The following TBC1D25 variants were observed in gnomAD, a reference collection of about 807,000 sequenced individuals.
TBC1D25 encodes the protein TBC1 domain family member 25.
In TBC1D25, 13 loss-of-function variants were observed where a neutral mutation model predicts 38.8. The observed-to-expected ratio is 0.34, with a 90% CI of 0.22 to 0.53. TBC1D25 has a LOEUF of 0.53. Among genes scored for constraint, TBC1D25 ranks in the 20% least tolerant of loss-of-function variants. The probability of loss-of-function intolerance (pLI) is 0.94; values close to 1 mark genes in which losing one functional copy is unlikely to be tolerated. For missense variants in TBC1D25, 372 were observed against 600.0 expected, an observed-to-expected ratio of 0.62 and a Z score of 3.97; for synonymous variants, 225 against 255.6, an observed-to-expected ratio of 0.88 and a Z score of 1.14.
chrX:48,556,184 A>C (rs989266650), intron 3 of TBC1D25, among the ~76,000 whole-genome samples: 1 of 110,763 alleles, frequency 9.0e-6, no homozygotes, highest in Non-Finnish European at 1.9e-5. Context: ...AACTTTGGAC[A>C]ATACCCAGGC....
Position 48,539,857 on chromosome X carries a change from G to A in TBC1D25, c.60G>A (p.Val20=). 1 of 972,882 alleles carries A rather than the reference G, an allele frequency of 1.0e-6. No individual in the cohort carries two copies. Among genetic ancestry groups the A allele is most frequent in the Non-Finnish European group, 1.3e-6 (1 of 771,518 alleles). The allele number at this position is 972,882 out of a possible 1,213,427, so 80.2% of individuals were successfully genotyped here. A position where few individuals can be genotyped will look rare whatever the true frequency, so the allele number is the denominator to read the frequency against. The change falls in exon 1 of 6, where the codon GTG becomes GTA. Residue 20 remains valine (V), a synonymous_variant. Transcript: ENST00000376771. ...GCTCCGGAGCGCCCCCGCCCGGTGTGGGAGCTCAGGCGGCGGCGGCCGCTG... is the reference window on the plus strand; with the variant it reads ...GCTCCGGAGCGCCCCCGCCCGGTGTAGGAGCTCAGGCGGCGGCGGCCGCTG... ...LSGSGAPPPG[V]GAQAAAAAEE... is the part of the protein sequence containing the mutation.
intron 3 of TBC1D25, among the ~76,000 whole-genome samples, chrX:48,556,850 C>T (rs1037305629): frequency 1.0e-4 from 11 of 109,219 alleles, no homozygotes; most frequent in African/African-American, 3.0e-4. Flanking sequence ...AAGATCCTCT[C>T]GAACCTACTC....
rs782002768 is a variant in TBC1D25 at position 48,560,967 on chromosome X, G to A, written c.2059G>A (p.Ala687Thr). 19 of 1,188,644 alleles carry A rather than the reference G, an allele frequency of 1.6e-5. No individual in the cohort carries two copies. Among genetic ancestry groups the A allele is most frequent in the Admixed American group, 9.0e-5 (4 of 44,655 alleles). Residue 687 changes from alanine to threonine, a missense_variant, in exon 6 of 6, where the codon GCA becomes ACA. Coordinates refer to ENST00000376771, the MANE Select transcript of TBC1D25 (RefSeq NM_002536.4). ...AGAGGAGGGGGCTGAGGCCACAGCC[G>A]CATCTTGATCAGGCTTTCTCAAGCC... is the stretch of plus-strand genomic sequence containing the variant. ...DSEEGAEATA[A>T]S
intron 2 of TBC1D25, among the ~76,000 whole-genome samples, chrX:48,542,919 G>A (rs1008245979): frequency 2.7e-5 from 3 of 111,453 alleles, no homozygotes; most frequent in Non-Finnish European, 3.8e-5. Context: ...TCAACTTACA[G>A]TATTTCCAAC....
intron 5 of TBC1D25, 109 bp from the exon 6 acceptor site, chrX:48,559,505 C>T: frequency 9.6e-7 from 1 of 1,041,695 alleles, no homozygotes; most frequent in Non-Finnish European, 1.3e-6. Context: ...GCCTAGCAGA[C>T]TTAGAAGGAA....
chrX:48,541,064 A>G (rs1347033889), intron 1 of TBC1D25, among the ~76,000 whole-genome samples: 1 of 112,098 alleles, frequency 8.9e-6, no homozygotes, highest in African/African-American at 3.2e-5. Flanking sequence ...TAGATGTGTT[A>G]GATTGGTTAC....
Position 48,561,013 on chromosome X carries a change from C to G in TBC1D25, c.*38C>G. On this transcript the variant is annotated 3_prime_UTR_variant, in exon 6 of 6. Coordinates refer to ENST00000376771, the MANE Select transcript of TBC1D25 (RefSeq NM_002536.4). ...AAGCCCTCCATCGGCCCCACCAGATCTCCATTCTTTGCCATGAGGGCCAAC... is the reference window on the plus strand; with the variant it reads ...AAGCCCTCCATCGGCCCCACCAGATGTCCATTCTTTGCCATGAGGGCCAAC... 1 of 1,146,658 alleles carries G rather than the reference C, an allele frequency of 8.7e-7. No individual in the cohort carries two copies. 94.5% of individuals were successfully genotyped at this position (1,146,658 alleles called of 1,213,427 possible).
chrX:48,559,369 T>C, intron 5 of TBC1D25, 23 bp downstream of exon 5: 1 of 1,195,402 alleles, frequency 8.4e-7, no homozygotes, highest in Non-Finnish European at 1.1e-6. Flanking sequence ...AGTCATCTGT[T>C]GGGTCCATCA....
At chrX:48,544,798 G>C in intron 2 of TBC1D25, 71 bp from the exon 3 acceptor site, 2 of 1,163,888 alleles carry the variant, frequency 1.7e-6, no homozygotes, top group Non-Finnish European at 2.3e-6. Context: ...TACCCTCCTT[G>C]TTTTGGAAAC....
Position 48,559,603 on chromosome X carries a change from C to A in TBC1D25, c.706-11C>A. On this transcript the variant is annotated splice_polypyrimidine_tract_variant and intron_variant, in intron 5 of 5. Transcript: ENST00000376771. ...GAGAACTCCAGCCTCATCCCTTTCA[C>A]CCCTGGGCAGGTGGTGTGGCGGTAC... 1 of 1,204,170 alleles carries A rather than the reference C, an allele frequency of 8.3e-7. No homozygotes were observed. The highest frequency in any genetic ancestry group is 1.1e-6 in the Non-Finnish European group (1 of 891,148).
chrX:48,560,812 G>T lies in TBC1D25; in HGVS notation c.1904G>T (p.Arg635Leu). The change falls in exon 6 of 6, where the codon CGC becomes CTC. Residue 635 changes from arginine (R) to leucine (L), a missense_variant. Around this residue, in one of 2 missense-constraint regions of TBC1D25, gnomAD observed 312 missense variants for 549.3 expected, o/e 0.57. Coordinates refer to ENST00000376771, the MANE Select transcript of TBC1D25 (RefSeq NM_002536.4). The part of the protein sequence containing the change: ...ILLEHRDHIM[R>L]NGLDYNELAM... ...CTGGAGCACCGCGACCACATCATGC[G>T]CAATGGGCTGGATTATAATGAGCTG... The T allele has an allele frequency of 8.2e-7, 1 of 1,212,234 alleles. No homozygotes were observed. Among genetic ancestry groups the T allele is most frequent in the Non-Finnish European group, 1.1e-6 (1 of 895,596 alleles).
rs2062020935 is a variant in TBC1D25, at chrX:48,560,960, C to T, written c.2052C>T (p.Ala684=). ...EVWDSEEGAE[A]TAAS Reference sequence around the variant, plus strand: ...GGGACTCAGAGGAGGGGGCTGAGGCCACAGCCGCATCTTGATCAGGCTTTC... The same window carrying T: ...GGGACTCAGAGGAGGGGGCTGAGGCTACAGCCGCATCTTGATCAGGCTTTC... Residue 684 remains alanine, a synonymous_variant, in exon 6 of 6, where the codon GCC becomes GCT. Coordinates refer to ENST00000376771, the MANE Select transcript of TBC1D25 (RefSeq NM_002536.4). 8.4e-7 allele frequency: 1 copy of T among 1,194,665 alleles called. No homozygotes were observed. Among genetic ancestry groups the T allele is most frequent in the Admixed American group, 2.2e-5 (1 of 45,128 alleles).
rs1556985672 is a variant in TBC1D25 at position 48,560,061 on chromosome X, C to T, written c.1153C>T (p.Arg385Ter). Reference protein sequence around the residue: ...TKFAHLKLLLRHADPDFYQYL... With the variant: ...TKFAHLKLLL ...GTTTGCACACTTGAAGCTGTTGCTGCGACACGCTGACCCTGACTTTTATCA... is the reference window on the plus strand; with the variant it reads ...GTTTGCACACTTGAAGCTGTTGCTGTGACACGCTGACCCTGACTTTTATCA... The change falls in exon 6 of 6, where the codon CGA becomes TGA. Residue 385 changes from arginine (R) to a stop codon, truncating the protein, a stop_gained. Transcript: ENST00000376771. LOFTEE classifies it high-confidence loss of function. 8.3e-7 allele frequency: 1 copy of T among 1,209,534 alleles called. No homozygotes were observed. Among genetic ancestry groups the T allele is most frequent in the Non-Finnish European group, 1.1e-6 (1 of 894,318 alleles).
Position 48,539,873 on chromosome X carries a change from G to A in TBC1D25, c.76G>A (p.Ala26Thr). The change falls in exon 1 of 6, where the codon GCG becomes ACG. Residue 26 changes from alanine to threonine, a missense_variant. Physicochemically the swap from Ala to Thr is moderately conservative, Grantham distance 58 (BLOSUM62 0). Coordinates refer to ENST00000376771, the MANE Select transcript of TBC1D25 (RefSeq NM_002536.4). ...GCCCGGTGTGGGAGCTCAGGCGGCG[G>A]CGGCCGCTGAGGAGGAGGAGCGAGA... ...PPPGVGAQAA[A>T]AAEEEEREVV... The A allele has an allele frequency of 1.0e-6, 1 of 964,508 alleles. No homozygotes were observed. Among genetic ancestry groups the A allele is most frequent in the Non-Finnish European group, 1.3e-6 (1 of 766,776 alleles). 79.5% of individuals were successfully genotyped at this position (964,508 alleles called of 1,213,427 possible).
rs576124608 is a variant in TBC1D25 at position 48,542,496 on chromosome X, T to C, written c.233+1054T>C. On this transcript the variant is annotated intron_variant, in intron 2 of 5. Coordinates refer to ENST00000376771, the MANE Select transcript of TBC1D25 (RefSeq NM_002536.4). ...GATAGTTTTTTGATCTTCTCTTTTT[T>C]TTTTTTTTGGAGACAGAGTCTCACT... Among the ~76,000 whole-genome samples the C allele has an allele frequency of 7.6e-4, 79 of 103,949 alleles. 2 individuals are homozygous for C. The South Asian group carries it at 0.034, about 45-fold the overall frequency. The allele number at this position is 103,949 out of a possible 115,157, so 90.3% of individuals were successfully genotyped here. A position where few individuals can be genotyped will look rare whatever the true frequency, so the allele number is the denominator to read the frequency against.
At chrX:48,543,714 C>G (rs1250263899) in intron 2 of TBC1D25, among the ~76,000 whole-genome samples, 1 of 106,767 alleles carries the variant, frequency 9.4e-6, no homozygotes, top group Admixed American at 1.0e-4. Context: ...GAAACTCCGT[C>G]TCTACTAAAA....
At chrX:48,543,061 A>G (rs1475823814) in intron 2 of TBC1D25, among the ~76,000 whole-genome samples, 1 of 110,940 alleles carries the variant, frequency 9.0e-6, no homozygotes, top group East Asian at 2.8e-4. Context: ...GTATGTATGT[A>G]TATGAAAAAA....
chrX:48,539,864 C>A lies in TBC1D25; in HGVS notation c.67C>A (p.Gln23Lys). The A allele has an allele frequency of 1.0e-6, 1 of 972,072 alleles. No homozygotes were observed. The highest frequency in any genetic ancestry group is 1.3e-6 in the Non-Finnish European group (1 of 771,043). The allele number at this position is 972,072 out of a possible 1,213,427, so 80.1% of individuals were successfully genotyped here. A position where few individuals can be genotyped will look rare whatever the true frequency, so the allele number is the denominator to read the frequency against. Residue 23 changes from glutamine (Q) to lysine (K), a missense_variant, in exon 1 of 6, where the codon CAG becomes AAG. Coordinates refer to ENST00000376771, the MANE Select transcript of TBC1D25 (RefSeq NM_002536.4). ...SGAPPPGVGA[Q>K]AAAAAEEEER... is the part of the protein sequence containing the mutation. ...AGCGCCCCCGCCCGGTGTGGGAGCT[C>A]AGGCGGCGGCGGCCGCTGAGGAGGA...
rs73632385 is a variant in TBC1D25 at position 48,558,196 on chromosome X, G to C, written c.389-701G>C. On this transcript the variant is annotated intron_variant, in intron 3 of 5. Coordinates refer to ENST00000376771, the MANE Select transcript of TBC1D25 (RefSeq NM_002536.4). ...ATTTCTAAAGTATGTCTGGGCTCTG[G>C]ACTAGGGTGAATGAAGTTCAGATCC... Among the ~76,000 whole-genome samples the C allele has an allele frequency of 7.6e-3, 843 of 111,234 alleles. 4 individuals are homozygous for C. The highest frequency in any genetic ancestry group is 0.025 in the African/African-American group (775 of 30,579).
Sources: allele counts gnomAD v4.1 joint callset (sites outside exome capture counted in the v4.1 genomes callset), GRCh38; gene constraint gnomAD v4.1.1; regional missense constraint gnomAD v4.1.1; transcripts MANE v1.5; gene names NCBI Gene and HGNC (gene_info 2026-07-23, HGNC 2026-07-21).